Variants in RFK observed in about 807,000 individuals in gnomAD.
The protein encoded by RFK is 0610038L10Rik.
RFK carries 4 observed loss-of-function variants against 17.6 expected under a neutral mutation model. That is an observed-to-expected ratio of 0.23 (90% CI 0.11 to 0.52). RFK has a LOEUF of 0.52. Ranked by LOEUF, RFK falls within the 20% of genes least tolerant of loss-of-function variation. The pLI, the probability that RFK is intolerant of heterozygous loss-of-function variation, is 0.96. For missense variants in RFK, 189 were observed against 187.7 expected (o/e 1.01, Z -0.04); for synonymous variants, 59 against 63.8 (o/e 0.92, Z 0.36).
In RFK at chr9:76,394,221, G is replaced by T. The variant is rs767635153; in HGVS notation, c.-50C>A. 1 of 1,539,968 alleles carries T rather than the reference G, an allele frequency of 6.5e-7. No homozygotes were observed. The highest frequency in any genetic ancestry group is 2.0e-5 in the Admixed American group (1 of 50,810). ...CTGCGGCCCGGTCTGCGCGTCCTGC[G>T]GAGCCGCCGTCGACGCGGCGCCCAG... On this transcript the variant is annotated 5_prime_UTR_variant, in exon 1 of 4. Coordinates refer to ENST00000376736, the MANE Select transcript of RFK (RefSeq NM_018339.6).
intron 1 of RFK, among the ~76,000 whole-genome samples, chr9:76,393,414 C>A (rs1482477127): frequency 6.6e-6 from 1 of 151,914 alleles, no homozygotes; most frequent in Non-Finnish European, 1.5e-5. Context: ...ACCATGTTGG[C>A]CAGGCTGATC....
intron 2 of RFK, among the ~76,000 whole-genome samples, chr9:76,389,327 G>A (rs534044490): frequency 3.3e-5 from 5 of 152,298 alleles, no homozygotes; most frequent in South Asian, 4.1e-4. Flanking sequence ...TAGCTTCCGC[G>A]GGGCTCAGTT....
intron 1 of RFK, 53 bp downstream of exon 1, chr9:76,394,037 T>C: frequency 1.3e-6 from 2 of 1,523,724 alleles, no homozygotes; most frequent in South Asian, 1.2e-5. Context: ...CTGCCGTCTC[T>C]CCCCGCTCCC....
At chr9:76,391,682 CTCTT>C (rs1238875882) in intron 2 of RFK, among the ~76,000 whole-genome samples, 2 of 152,188 alleles carry the variant, frequency 1.3e-5, no homozygotes, top group African/African-American at 4.8e-5. Flanking sequence ...TGTAACTCCA[CTCTT>C]TATTTTCTAC....
chr9:76,391,240 C>T (rs1430739456), intron 2 of RFK, among the ~76,000 whole-genome samples: 1 of 152,230 alleles, frequency 6.6e-6, no homozygotes, highest in East Asian at 1.9e-4. Flanking sequence ...CTGTAGTTTT[C>T]CAGCAGTGAC....
At chr9:76,391,897 C>T (rs372754683) in intron 2 of RFK, among the ~76,000 whole-genome samples, 72 of 149,942 alleles carry the variant, frequency 4.8e-4, no homozygotes, top group South Asian at 4.0e-3. Context: ...TGAACAGCTA[C>T]TGCACTTCAG....
chr9:76,391,724 A>T (rs1038197864), intron 2 of RFK, among the ~76,000 whole-genome samples: 1 of 152,248 alleles, frequency 6.6e-6, no homozygotes, highest in African/African-American at 2.4e-5. Flanking sequence ...TGCATAAAAA[A>T]ACCAATTATT....
intron 2 of RFK, among the ~76,000 whole-genome samples, chr9:76,389,179 A>G (rs1822783538): frequency 6.6e-6 from 1 of 152,232 alleles, no homozygotes; most frequent in Non-Finnish European, 1.5e-5. Context: ...AGCACATTAA[A>G]GCAAAATGCC....
chr9:76,392,774 A>G (rs566559896), intron 1 of RFK, among the ~76,000 whole-genome samples: 15 of 152,144 alleles, frequency 9.9e-5, no homozygotes, highest in African/African-American at 3.6e-4. Flanking sequence ...GGTGGCCTGC[A>G]CCTATAGTCT....
intron 2 of RFK, among the ~76,000 whole-genome samples, chr9:76,391,658 T>C (rs923537222): frequency 1.3e-5 from 2 of 152,252 alleles, no homozygotes; most frequent in Non-Finnish European, 2.9e-5. Flanking sequence ...AAAGTCAGTA[T>C]TATAATTTTG....
chr9:76,391,567 T>C (rs1245100091), intron 2 of RFK, among the ~76,000 whole-genome samples: 3 of 152,236 alleles, frequency 2.0e-5, no homozygotes, highest in Non-Finnish European at 4.4e-5. Context: ...GCATTAATTG[T>C]GGCAAGCTCA....
intron 1 of RFK, among the ~76,000 whole-genome samples, chr9:76,393,500 C>G (rs1177035299): frequency 6.6e-6 from 1 of 152,156 alleles, no homozygotes; most frequent in Non-Finnish European, 1.5e-5. Flanking sequence ...AGCCACCACG[C>G]CCGGCCAAAG....
Position 76,394,201 on chromosome 9 carries a change from G to A in RFK, c.-30C>T. The A allele has an allele frequency of 6.4e-7, 1 of 1,558,396 alleles. No homozygotes were observed. Among genetic ancestry groups the A allele is most frequent in the Non-Finnish European group, 8.7e-7 (1 of 1,153,258 alleles). On this transcript the variant is annotated 5_prime_UTR_variant, in exon 1 of 4. Coordinates refer to ENST00000376736, the MANE Select transcript of RFK (RefSeq NM_018339.6). ...CAGTCCGCTCGGGGAATGGGCTGCG[G>A]CCCGGTCTGCGCGTCCTGCGGAGCC...
intron 1 of RFK, among the ~76,000 whole-genome samples, chr9:76,393,510 GCTT>G (rs1237991354): frequency 1.3e-5 from 2 of 152,232 alleles, no homozygotes; most frequent in African/African-American, 4.8e-5. Context: ...CCCGGCCAAA[GCTT>G]CTTATTTTTC....
In RFK at chr9:76,392,572, AAAC is replaced by A; in HGVS notation, c.83-6_83-4del. On this transcript the variant is annotated splice_polypyrimidine_tract_variant and splice_region_variant and intron_variant, in intron 1 of 3. Transcript: ENST00000376736. ...TACCACTTGCTCAGGAAAATTAGCT[AAAC>A]AACAGAAGAAAATATTTTGAGTCTT... 1 of 1,614,016 alleles carries A rather than the reference AAAC, an allele frequency of 6.2e-7. No homozygotes were observed. Among genetic ancestry groups the A allele is most frequent in the Non-Finnish European group, 8.5e-7 (1 of 1,179,900 alleles).
chr9:76,394,253 G>C lies in RFK; in HGVS notation c.-82C>G. On this transcript the variant is annotated 5_prime_UTR_variant, in exon 1 of 4. Transcript: ENST00000376736. Reference sequence around the variant, plus strand: ...CCGTCGACGCGGCGCCCAGACCCCGGACCAGCCGGGGGACAGGAGCGTGAG... The same window carrying C: ...CCGTCGACGCGGCGCCCAGACCCCGCACCAGCCGGGGGACAGGAGCGTGAG... 2 of 1,410,486 alleles carry C rather than the reference G, an allele frequency of 1.4e-6. No homozygotes were observed. The highest frequency in any genetic ancestry group is 2.7e-5 in the East Asian group (1 of 37,598). The allele number at this position is 1,410,486 out of a possible 1,614,324, so 87.4% of individuals were successfully genotyped here.
chr9:76,393,824 C>A, intron 1 of RFK: 2 of 494,350 alleles, frequency 4.0e-6, no homozygotes, highest in South Asian at 5.8e-5. Flanking sequence ...GAGGCGTGAA[C>A]GGGGAATCCT....
chr9:76,392,656 T>C, intron 1 of RFK, 87 bp from the exon 2 acceptor site: 1 of 1,378,848 alleles, frequency 7.3e-7, no homozygotes, highest in Admixed American at 1.9e-5. Flanking sequence ...TCTGTAATTC[T>C]AGGACTTTGA....
At chr9:76,392,629 G>A (rs1822832890) in intron 1 of RFK, 60 bp from the exon 2 acceptor site, 12 of 1,512,778 alleles carry the variant, frequency 7.9e-6, no homozygotes, top group South Asian at 1.1e-5. Flanking sequence ...GCCTGTAGCC[G>A]AGTGCAGTGG....
Sources: allele counts gnomAD v4.1 joint callset (sites outside exome capture counted in the v4.1 genomes callset), GRCh38; gene constraint gnomAD v4.1.1; transcripts MANE v1.5; gene names NCBI Gene and HGNC (gene_info 2026-07-23, HGNC 2026-07-21).